IFI27L1: variants seen among roughly 807,000 people sequenced by gnomAD.
The protein encoded by IFI27L1 is interferon alpha-inducible protein 27-like protein 1.
A neutral mutation model predicts 9.2 loss-of-function variants in IFI27L1; 3 were observed. The observed-to-expected ratio is 0.32, with a 90% CI of 0.15 to 0.84. The LOEUF is 0.84. IFI27L1 is among the 40% of genes least tolerant of loss of function. IFI27L1 has a pLI of 0.56. For missense variants in IFI27L1, 133 were observed against 134.2 expected (o/e 0.99, Z 0.05); for synonymous variants, 53 against 50.0 (o/e 1.06, Z -0.26).
In IFI27L1 at chr14:94,096,961, C is replaced by T; in HGVS notation, c.24C>T (p.Asp8=). The T allele has an allele frequency of 1.2e-6, 2 of 1,613,388 alleles. No individual in the cohort carries two copies. The highest frequency in any genetic ancestry group is 1.7e-6 in the Non-Finnish European group (2 of 1,179,570). The change falls in exon 2 of 5, where the codon GAC becomes GAT. Residue 8 remains aspartate, a synonymous_variant. Coordinates refer to ENST00000555523, the MANE Select transcript of IFI27L1 (RefSeq NM_206949.3). Reference sequence around the variant, plus strand: ...CCATGGGAAAGGAGAGTGGATGGGACTCAGGTGGGTACTGCACATGATTCT... The same window carrying T: ...CCATGGGAAAGGAGAGTGGATGGGATTCAGGTGGGTACTGCACATGATTCT... MGKESGW[D]SGRAAVAAVV... is the part of the protein sequence containing the mutation.
At position 94,100,199 on chromosome 14, in the gene IFI27L1, T is replaced by C. The variant is rs898285716; in HGVS notation, c.29-540T>C. ...GAGTCGTGACAGAGAGAAAGGGAGG[T>C]CCTGAGCCATGAGCTAAAAGCTTCA... On this transcript the variant is annotated intron_variant, in intron 2 of 4. Transcript: ENST00000555523. 2.3e-5 allele frequency: 19 copies of C among 831,786 alleles called. No homozygotes were observed. The African/African-American group carries it at 3.5e-4, about 15-fold the overall frequency. 51.5% of individuals were successfully genotyped at this position (831,786 alleles called of 1,614,324 possible). A position where few individuals can be genotyped will look rare whatever the true frequency, so the allele number is the denominator to read the frequency against.
chr14:94,087,351 GTGAAAACCCTCTCTTCA>G (rs1272507039), intron 1 of IFI27L1, among the ~76,000 whole-genome samples: 1 of 152,180 alleles, frequency 6.6e-6, no homozygotes, highest in Non-Finnish European at 1.5e-5. Context: ...ATACAAAAGC[GTGAAAACCCTCTCTTCA>G]TGGATTTTCC....
chr14:94,083,528 C>A (rs539708085), intron 1 of IFI27L1, among the ~76,000 whole-genome samples: 24 of 152,278 alleles, frequency 1.6e-4, no homozygotes, highest in African/African-American at 5.5e-4. Flanking sequence ...CAGCAAACTT[C>A]ATTGTTGTGT....
At chr14:94,093,666 C>A (rs898984791) in intron 1 of IFI27L1, among the ~76,000 whole-genome samples, 2 of 152,172 alleles carry the variant, frequency 1.3e-5, no homozygotes, top group Non-Finnish European at 2.9e-5. Context: ...TGGTTGAAAT[C>A]CTTAGAGCTG....
chr14:94,094,074 C>T (rs974848506), intron 1 of IFI27L1, among the ~76,000 whole-genome samples: 1 of 152,116 alleles, frequency 6.6e-6, no homozygotes, highest in African/African-American at 2.4e-5. Flanking sequence ...CCCTGCACCC[C>T]AACCCCAGTC....
chr14:94,086,498 A>G (rs145765850), intron 1 of IFI27L1, among the ~76,000 whole-genome samples: 631 of 152,316 alleles, frequency 4.1e-3, no homozygotes, highest in African/African-American at 0.015. Context: ...GCCAATAAAT[A>G]TTAATCTATA....
intron 2 of IFI27L1, among the ~76,000 whole-genome samples, chr14:94,099,228 C>T (rs974719616): frequency 3.3e-5 from 5 of 152,274 alleles, no homozygotes; most frequent in Admixed American, 1.3e-4. Flanking sequence ...ACACAGGTGG[C>T]AGGTGCAGGC....
chr14:94,086,923 G>A (rs916002350), intron 1 of IFI27L1, among the ~76,000 whole-genome samples: 1 of 152,130 alleles, frequency 6.6e-6, no homozygotes, highest in Non-Finnish European at 1.5e-5. Flanking sequence ...CACTTTTGCT[G>A]TGTCAACCTA....
intron 1 of IFI27L1, among the ~76,000 whole-genome samples, chr14:94,093,058 A>G (rs893250923): frequency 6.6e-6 from 1 of 151,630 alleles, no homozygotes; most frequent in Non-Finnish European, 1.5e-5. Flanking sequence ...TCTAATTCCA[A>G]CACATCCCAA....
chr14:94,085,161 G>T (rs1167249970), intron 1 of IFI27L1, among the ~76,000 whole-genome samples: 1 of 152,146 alleles, frequency 6.6e-6, no homozygotes, highest in Non-Finnish European at 1.5e-5. Flanking sequence ...GGGCTGAGGG[G>T]AACCAAGAAT....
chr14:94,096,975 G>A lies in IFI27L1; in HGVS notation c.28+10G>A, dbSNP rs549635527. On this transcript the variant is annotated intron_variant, in intron 2 of 4. Coordinates refer to ENST00000555523, the MANE Select transcript of IFI27L1 (RefSeq NM_206949.3). ...AGTGGATGGGACTCAGGTGGGTACT[G>A]CACATGATTCTGGGGGCTGCTGGTC... The A allele has an allele frequency of 1.2e-6, 2 of 1,608,992 alleles. No homozygotes were observed. Among genetic ancestry groups the A allele is most frequent in the Non-Finnish European group, 1.7e-6 (2 of 1,176,964 alleles).
rs771067154 is a variant in IFI27L1 at position 94,096,924 on chromosome 14, C to T, written c.-14C>T. 33 of 1,612,952 alleles carry T rather than the reference C, an allele frequency of 2.0e-5. No individual in the cohort carries two copies. Among genetic ancestry groups the T allele is most frequent in the South Asian group, 1.4e-4 (13 of 90,956 alleles). ...GAATCCGAGTGGAGGCTCACCGAGGCGAAGGGGCCAACCATGGGAAAGGAG... is the reference window on the plus strand; with the variant it reads ...GAATCCGAGTGGAGGCTCACCGAGGTGAAGGGGCCAACCATGGGAAAGGAG... On this transcript the variant is annotated 5_prime_UTR_variant, in exon 2 of 5. Transcript: ENST00000555523.
intron 1 of IFI27L1, among the ~76,000 whole-genome samples, chr14:94,087,309 A>G (rs1886313738): frequency 6.6e-6 from 1 of 152,216 alleles, no homozygotes. Context: ...GCAAGATTGC[A>G]ATTTTTGCAG....
At chr14:94,097,262 T>A (rs916689227) in intron 2 of IFI27L1, among the ~76,000 whole-genome samples, 49 of 152,154 alleles carry the variant, frequency 3.2e-4, no homozygotes, top group Admixed American at 2.4e-3. Context: ...TGGCTACAAG[T>A]GTGGCATCAG....
intron 1 of IFI27L1, among the ~76,000 whole-genome samples, chr14:94,084,554 A>G (rs1272225598): frequency 1.3e-5 from 2 of 152,214 alleles, no homozygotes; most frequent in Non-Finnish European, 2.9e-5. Context: ...ATTAACATCC[A>G]AAGGACTGAG....
intron 2 of IFI27L1, among the ~76,000 whole-genome samples, chr14:94,098,927 G>T (rs1390505070): frequency 6.6e-6 from 1 of 152,258 alleles, no homozygotes. Flanking sequence ...TCAAGGTCAT[G>T]CAGCTCTGAG....
chr14:94,082,135 C>T (rs1886127970), intron 1 of IFI27L1, among the ~76,000 whole-genome samples: 1 of 152,058 alleles, frequency 6.6e-6, no homozygotes. Flanking sequence ...GATATGAAAG[C>T]GAAACAGTTT....
At chr14:94,094,935 T>A (rs1418334577) in intron 1 of IFI27L1, 1 of 152,116 alleles carries the variant, frequency 6.6e-6, no homozygotes, top group Non-Finnish European at 1.5e-5. Flanking sequence ...GGGTAAAGGA[T>A]GAGAATGGGT....
intron 1 of IFI27L1, among the ~76,000 whole-genome samples, chr14:94,082,707 C>CA (rs1886150172): frequency 6.6e-6 from 1 of 152,236 alleles, no homozygotes; most frequent in Non-Finnish European, 1.5e-5. Flanking sequence ...GACAGCACAA[C>CA]TGTTCATAGC....
Sources: allele counts gnomAD v4.1 joint callset (sites outside exome capture counted in the v4.1 genomes callset), GRCh38; gene constraint gnomAD v4.1.1; transcripts MANE v1.5; gene names NCBI Gene and HGNC (gene_info 2026-07-23, HGNC 2026-07-21).